The following ADCY1 variants were observed in gnomAD, a reference collection of about 807,000 sequenced individuals.
ADCY1 encodes the protein adenylate cyclase 1, also known as adenylate cyclase type 1.
In ADCY1, 28 loss-of-function variants were observed where a neutral mutation model predicts 105.4. The ratio of observed to expected loss-of-function variants is 0.27; its 90% CI spans 0.20 to 0.36. The LOEUF is 0.36. Among genes scored for constraint, ADCY1 ranks in the 10% least tolerant of loss-of-function variants. The pLI, the probability that ADCY1 is intolerant of heterozygous loss-of-function variation, is 1.00. For synonymous variants in ADCY1, 655 were observed against 623.8 expected (o/e 1.05, Z -0.75); for missense variants, 977 against 1,434.2 (o/e 0.68, Z 5.15).
At chr7:45,579,940 CCCCGT>C (rs1792476212) in intron 1 of ADCY1, among the ~76,000 whole-genome samples, 1 of 138,634 alleles carries the variant, frequency 7.2e-6, no homozygotes, top group South Asian at 2.8e-4. Context: ...CTGGAAACTG[CCCCGT>C]CCCCCCCTTC....
At chr7:45,616,297 G>A (rs1378575960) in intron 3 of ADCY1, among the ~76,000 whole-genome samples, 1 of 152,160 alleles carries the variant, frequency 6.6e-6, no homozygotes, top group Non-Finnish European at 1.5e-5. Flanking sequence ...AAATTGAAGA[G>A]GAGGGAACAC....
At chr7:45,625,232 A>G (rs768707183) in intron 4 of ADCY1, among the ~76,000 whole-genome samples, 20 of 152,150 alleles carry the variant, frequency 1.3e-4, no homozygotes, top group Non-Finnish European at 2.6e-4. Flanking sequence ...GCATCGTCAC[A>G]TGCTCTGTCA....
intron 8 of ADCY1, among the ~76,000 whole-genome samples, chr7:45,668,836 A>G (rs939947697): frequency 6.6e-6 from 1 of 152,118 alleles, no homozygotes. Context: ...CAGAGATTCA[A>G]CTTCTTCCTG....
At chr7:45,670,922 G>C (rs1326241783) in intron 8 of ADCY1, among the ~76,000 whole-genome samples, 1 of 152,244 alleles carries the variant, frequency 6.6e-6, no homozygotes, top group East Asian at 1.9e-4. Flanking sequence ...TGTCAGACCA[G>C]GGAGCAGTTG....
intron 4 of ADCY1, among the ~76,000 whole-genome samples, chr7:45,632,027 T>C (rs1024468488): frequency 6.6e-6 from 1 of 152,208 alleles, no homozygotes; most frequent in African/African-American, 2.4e-5. Flanking sequence ...TTTTTTGTTG[T>C]TATCTTGATA....
intron 4 of ADCY1, among the ~76,000 whole-genome samples, chr7:45,638,038 T>G (rs1427180314): frequency 6.6e-6 from 1 of 152,218 alleles, no homozygotes; most frequent in Non-Finnish European, 1.5e-5. Flanking sequence ...GAAATTTGAT[T>G]TTGATGTGAA....
chr7:45,684,841 T>C, intron 11 of ADCY1, 138 bp from the exon 12 acceptor site: 1 of 682,470 alleles, frequency 1.5e-6, no homozygotes, highest in Non-Finnish European at 2.6e-6. Context: ...CCAAGAGACA[T>C]GTGAGGAGGG....
At position 45,622,753 on chromosome 7, in the gene ADCY1, G is replaced by A. The variant is rs1490400176; in HGVS notation, c.1020+10G>A. Reference sequence around the variant, plus strand: ...CGATGAATTAGCCACGGTAAGTGCAGCGTTTTTCTTTGTTCGAATTAAATT... The same window carrying A: ...CGATGAATTAGCCACGGTAAGTGCAACGTTTTTCTTTGTTCGAATTAAATT... On this transcript the variant is annotated intron_variant, in intron 4 of 19. Coordinates refer to ENST00000297323, the MANE Select transcript of ADCY1 (RefSeq NM_021116.4). 2 of 1,605,354 alleles carry A rather than the reference G, an allele frequency of 1.2e-6. No individual in the cohort carries two copies. The highest frequency in any genetic ancestry group is 1.7e-6 in the Non-Finnish European group (2 of 1,174,818).
intron 1 of ADCY1, among the ~76,000 whole-genome samples, chr7:45,585,657 AG>A (rs1792702426): frequency 6.6e-6 from 1 of 152,088 alleles, no homozygotes; most frequent in South Asian, 2.1e-4. Flanking sequence ...CATGTTGGTC[AG>A]GCTGGTCTTG....
intron 8 of ADCY1, among the ~76,000 whole-genome samples, chr7:45,674,848 A>G (rs1282744577): frequency 1.3e-5 from 2 of 152,194 alleles, no homozygotes; most frequent in Admixed American, 6.5e-5. Flanking sequence ...TTCTGTTATC[A>G]CTACAGCCAC....
intron 8 of ADCY1, among the ~76,000 whole-genome samples, chr7:45,663,360 A>T (rs1795181843): frequency 6.6e-6 from 1 of 152,224 alleles, no homozygotes; most frequent in Non-Finnish European, 1.5e-5. Flanking sequence ...GGAATGTCTT[A>T]CAAAGGCTCT....
In ADCY1 at chr7:45,722,085, A is replaced by AC. The variant is rs986787695; in HGVS notation, c.*8096dup. The AC allele has an allele frequency of 5.7e-5, 20 of 353,076 alleles. No individual in the cohort carries two copies. The highest frequency in any genetic ancestry group is 3.1e-4 in the African/African-American group (15 of 47,692). 21.9% of individuals were successfully genotyped at this position (353,076 alleles called of 1,614,324 possible). On this transcript the variant is annotated 3_prime_UTR_variant, in exon 20 of 20. Transcript: ENST00000297323. ...ACTTGTTTCTCACCTCCCACCAGCA[A>AC]CCCCCCACCCAACTCTGGGCCCCAG...
intron 1 of ADCY1, among the ~76,000 whole-genome samples, chr7:45,581,425 G>A (rs945806761): frequency 1.3e-5 from 2 of 152,338 alleles, no homozygotes; most frequent in South Asian, 4.1e-4. Flanking sequence ...CAGGTGGCAG[G>A]CATAGTCTGT....
intron 1 of ADCY1, among the ~76,000 whole-genome samples, chr7:45,587,355 C>T (rs986432917): frequency 3.9e-5 from 6 of 152,132 alleles, no homozygotes; most frequent in Admixed American, 1.3e-4. Flanking sequence ...AGGTGGCGCT[C>T]CATCCAGAAT....
intron 11 of ADCY1, among the ~76,000 whole-genome samples, chr7:45,682,420 G>A (rs55914946): frequency 0.14 from 21,494 of 152,148 alleles, 1,635 homozygotes; most frequent in Middle Eastern, 0.17. Flanking sequence ...TCAGGAGCGG[G>A]CAGAGGAGAG....
At chr7:45,661,748 G>A (rs1037461751) in intron 7 of ADCY1, among the ~76,000 whole-genome samples, 2 of 152,176 alleles carry the variant, frequency 1.3e-5, no homozygotes, top group Non-Finnish European at 2.9e-5. Flanking sequence ...TCCAAGCCCT[G>A]GTTGTCTTTC....
At position 45,703,468 on chromosome 7, in the gene ADCY1, C is replaced by T. The variant is rs781499666; in HGVS notation, c.2547C>T (p.Phe849=). 20 of 1,614,018 alleles carry T rather than the reference C, an allele frequency of 1.2e-5. No homozygotes were observed. The highest frequency in any genetic ancestry group is 1.7e-5 in the Non-Finnish European group (20 of 1,180,016). ...TGCCGGCCCACGTCGCCCAGCACTT[C>T]CTCATGTCCAACCCTCGGAACATGG... The part of the protein sequence containing the change: ...NLLPAHVAQH[F]LMSNPRNMDL... Residue 849 remains phenylalanine, a synonymous_variant, in exon 15 of 20, where the codon TTC becomes TTT. Coordinates refer to ENST00000297323, the MANE Select transcript of ADCY1 (RefSeq NM_021116.4). This position sits in a 1 kb window ranked among gnomAD's most constrained non-coding sequence, Gnocchi z 5.9.
Position 45,722,439 on chromosome 7 carries a change from T to TGAGCTTTGTGTAGCTC in ADCY1, c.*8462_*8477dup, listed in dbSNP as rs1181333218. 7.9e-5 allele frequency: 12 copies of TGAGCTTTGTGTAGCTC among 152,388 alleles called. No individual in the cohort carries two copies. The highest frequency in any genetic ancestry group is 1.9e-4 in the East Asian group (1 of 5,188). The allele number at this position is 152,388 out of a possible 1,614,324, so 9.4% of individuals were successfully genotyped here. The stretch of plus-strand genomic sequence containing the variant: ...GAGCCAAGGCGAGGCCCGTGGAGCC[T>TGAGCTTTGTGTAGCTC]GAGCTTTGTGTAGCTCGAGCTTTGT... On this transcript the variant is annotated 3_prime_UTR_variant, in exon 20 of 20. Coordinates refer to ENST00000297323, the MANE Select transcript of ADCY1 (RefSeq NM_021116.4).
At chr7:45,598,810 T>C (rs941125239) in intron 2 of ADCY1, among the ~76,000 whole-genome samples, 1 of 152,242 alleles carries the variant, frequency 6.6e-6, no homozygotes, top group Non-Finnish European at 1.5e-5. Context: ...CATAGAAAGC[T>C]CGCTCTCTGA....
Sources: allele counts gnomAD v4.1 joint callset (sites outside exome capture counted in the v4.1 genomes callset), GRCh38; gene constraint gnomAD v4.1.1; non-coding constraint Gnocchi (gnomAD v3.1); transcripts MANE v1.5; gene names NCBI Gene and HGNC (gene_info 2026-07-23, HGNC 2026-07-21).